Variants in TJP2 observed in about 807,000 individuals in gnomAD.
TJP2 encodes the protein tight junction protein 2.
Under a neutral mutation model 133.1 loss-of-function variants are expected in TJP2, and 91 were observed. The ratio of observed to expected loss-of-function variants is 0.68; its 90% confidence interval spans 0.58 to 0.81. TJP2 has a LOEUF of 0.81. Ranked by LOEUF, TJP2 falls within the 40% of genes least tolerant of loss-of-function variation. TJP2 has a pLI of 0.00. For synonymous variants in TJP2, 592 were observed against 583.4 expected (o/e 1.01, Z -0.21); for missense variants, 1,541 against 1,565.6 (o/e 0.98, Z 0.26).
chr9:69,246,367 A>G (rs1282631418), intron 17 of TJP2: 2 of 372,036 alleles, frequency 5.4e-6, no homozygotes, highest in Non-Finnish European at 1.0e-5. Context: ...TGCTGAGATT[A>G]CAGGCATGAG....
At chr9:69,225,241 A>G in intron 5 of TJP2, 63 bp from the exon 6 acceptor site, 1 of 1,092,284 alleles carries the variant, frequency 9.2e-7, no homozygotes, top group Non-Finnish European at 1.4e-6. Context: ...AGTCCTATAA[A>G]CCAGACTAAG....
Position 69,212,702 on chromosome 9 carries a change from T to C in TJP2, c.114+101T>C, listed in dbSNP as rs34883177. The C allele has an allele frequency of 0.42, 361,121 of 863,396 alleles. 80,822 individuals are homozygous for C. Among genetic ancestry groups the C allele is most frequent in the East Asian group, 0.65 (26,185 of 40,054 alleles). 53.5% of individuals were successfully genotyped at this position (863,396 alleles called of 1,614,324 possible). A position where few individuals can be genotyped will look rare whatever the true frequency, so the allele number is the denominator to read the frequency against. On this transcript the variant is annotated intron_variant, in intron 2 of 22. Coordinates refer to ENST00000377245, the MANE Select transcript of TJP2 (RefSeq NM_004817.4). ...CTACACACAGTTTTGGCTTTTTTTT[T>C]CCCTTGAGGTACATAATGTATTATA...
intron 1 of TJP2, among the ~76,000 whole-genome samples, chr9:69,209,336 G>T (rs1827681387): frequency 1.3e-5 from 2 of 152,098 alleles, no homozygotes. Flanking sequence ...GTTTCACCAT[G>T]TTGGCCAGGC....
chr9:69,198,994 T>C (rs1050143389), intron 1 of TJP2, among the ~76,000 whole-genome samples: 1 of 152,234 alleles, frequency 6.6e-6, no homozygotes, highest in African/African-American at 2.4e-5. Context: ...CTGCCTTCTC[T>C]GGGAAAAAGC....
At chr9:69,213,727 C>T (rs898715405) in intron 2 of TJP2, among the ~76,000 whole-genome samples, 4 of 152,184 alleles carry the variant, frequency 2.6e-5, no homozygotes, top group African/African-American at 7.2e-5. Context: ...GTCTTTCTGA[C>T]TCTCCTCTGC....
chr9:69,244,333 C>A (rs75603142), intron 17 of TJP2, among the ~76,000 whole-genome samples: 9,994 of 152,090 alleles, frequency 0.066, 439 homozygotes, highest in African/African-American at 0.12. Context: ...TTCCCCATTT[C>A]TCCCTTTCCC....
At chr9:69,156,727 T>A (rs959999171) in intron 2 of TJP2, among the ~76,000 whole-genome samples, 4 of 151,584 alleles carry the variant, frequency 2.6e-5, no homozygotes, top group Non-Finnish European at 4.4e-5. Context: ...GAGACGGGGT[T>A]TCACCGTGGT....
At chr9:69,149,547 C>T (rs542035326) in intron 1 of TJP2, among the ~76,000 whole-genome samples, 1 of 152,258 alleles carries the variant, frequency 6.6e-6, no homozygotes, top group East Asian at 1.9e-4. Flanking sequence ...TCTATTTCAT[C>T]GTGTAGGGAG....
chr9:69,248,921 T>C, intron 19 of TJP2: 1 of 991,400 alleles, frequency 1.0e-6, no homozygotes, highest in Non-Finnish European at 1.2e-6. Context: ...CTCTCTAGCA[T>C]TTTAGCTCAT....
intron 3 of TJP2, 73 bp downstream of exon 3, chr9:69,216,536 T>G (rs1828393289): frequency 6.6e-7 from 1 of 1,524,006 alleles, no homozygotes; most frequent in African/African-American, 1.4e-5. Context: ...TTTTGGTTGG[T>G]GTCCACTTTA....
intron 2 of TJP2, among the ~76,000 whole-genome samples, chr9:69,167,249 AAAAT>A (rs1824408449): frequency 6.6e-6 from 1 of 152,130 alleles, no homozygotes; most frequent in Non-Finnish European, 1.5e-5. Flanking sequence ...CATAAAAATA[AAAAT>A]AAATAAATAA....
At chr9:69,128,769 G>A (rs1024199063) in intron 1 of TJP2, among the ~76,000 whole-genome samples, 2 of 152,010 alleles carry the variant, frequency 1.3e-5, no homozygotes, top group African/African-American at 4.8e-5. Flanking sequence ...CTCGTGATCC[G>A]CCCGCCTCGG....
intron 1 of TJP2, among the ~76,000 whole-genome samples, chr9:69,186,778 C>T (rs2993819): frequency 0.48 from 73,106 of 152,008 alleles, 17,862 homozygotes; most frequent in South Asian, 0.54. Flanking sequence ...GGTGTTGCTT[C>T]GTGTATTTTG....
At chr9:69,235,990 C>G in intron 12 of TJP2, 38 bp from the exon 13 acceptor site, 1 of 1,599,504 alleles carries the variant, frequency 6.3e-7, no homozygotes, top group Admixed American at 1.7e-5. Flanking sequence ...GTAACTTGTA[C>G]TAAGCTGAAT....
rs1207030840 is a variant in TJP2, at chr9:69,254,686, A to G, written c.*312A>G. ...CTGTTTGCGTACTTGTAATATGTATATTAAGAAGCAATAACTATTTTTCCT... is the reference window on the plus strand; with the variant it reads ...CTGTTTGCGTACTTGTAATATGTATGTTAAGAAGCAATAACTATTTTTCCT... On this transcript the variant is annotated 3_prime_UTR_variant, in exon 23 of 23. Transcript: ENST00000377245. 6.9e-6 allele frequency: 4 copies of G among 578,272 alleles called. No homozygotes were observed. Among genetic ancestry groups the G allele is most frequent in the African/African-American group, 5.6e-5 (3 of 53,688 alleles). The allele number at this position is 578,272 out of a possible 1,614,324, so 35.8% of individuals were successfully genotyped here.
At chr9:69,245,090 C>T (rs188638546) in intron 17 of TJP2, among the ~76,000 whole-genome samples, 1 of 151,616 alleles carries the variant, frequency 6.6e-6, no homozygotes, top group African/African-American at 2.4e-5. Flanking sequence ...ATGAGATGAG[C>T]ACAGTAATCT....
chr9:69,218,236 A>T, intron 3 of TJP2, 21 bp from the exon 4 acceptor site: 1 of 1,586,440 alleles, frequency 6.3e-7, no homozygotes, highest in Non-Finnish European at 8.7e-7. Context: ...TTCATGACCC[A>T]TTTTTATTTC....
At chr9:69,188,688 G>A (rs1445708262) in intron 1 of TJP2, among the ~76,000 whole-genome samples, 1 of 152,172 alleles carries the variant, frequency 6.6e-6, no homozygotes, top group African/African-American at 2.4e-5. Context: ...ACTCTAAGTT[G>A]CCTCTAAGAC....
chr9:69,205,146 T>C, intron 1 of TJP2: 1 of 1,537,138 alleles, frequency 6.5e-7, no homozygotes, highest in Non-Finnish European at 8.7e-7. Flanking sequence ...GCCTGGCCCA[T>C]GCATCTCCAG....
Sources: gnomAD v4.1 joint callset for allele counts (sites outside exome capture counted in the v4.1 genomes callset) on GRCh38, gnomAD v4.1.1 for gene constraint, MANE v1.5 for transcripts, NCBI Gene and HGNC (gene_info 2026-07-23, HGNC 2026-07-21) for gene names.